The following CDYL2 variants were observed in gnomAD, a reference collection of about 807,000 sequenced individuals.
CDYL2 encodes the protein chromodomain Y like 2.
A neutral mutation model predicts 49.4 loss-of-function variants in CDYL2; 23 were observed. The ratio of observed to expected loss-of-function variants is 0.47; its 90% CI spans 0.34 to 0.66. The LOEUF (loss-of-function observed/expected upper bound fraction) is 0.66. Ranked by LOEUF, CDYL2 falls within the 30% of genes least tolerant of loss-of-function variation. CDYL2 has a pLI of 0.01. For synonymous variants in CDYL2, 360 were observed against 268.8 expected (o/e 1.34, Z -3.32); for missense variants, 678 against 656.4 (o/e 1.03, Z -0.36).
At chr16:80,792,895 G>A (rs933121752) in intron 1 of CDYL2, among the ~76,000 whole-genome samples, 11 of 152,124 alleles carry the variant, frequency 7.2e-5, no homozygotes, top group African/African-American at 2.2e-4. Context: ...ATGACTGGCC[G>A]ACGCTGGGAT....
At chr16:80,695,581 C>A (rs898150761) in intron 1 of CDYL2, among the ~76,000 whole-genome samples, 3 of 151,866 alleles carry the variant, frequency 2.0e-5, no homozygotes, top group Non-Finnish European at 4.4e-5. Flanking sequence ...AAACAGAAAC[C>A]AAAAATGAGC....
At chr16:80,667,412 CCCTG>C (rs1909311950) in intron 2 of CDYL2, among the ~76,000 whole-genome samples, 1 of 152,212 alleles carries the variant, frequency 6.6e-6, no homozygotes, top group South Asian at 2.1e-4. Context: ...CTCCTGACAT[CCCTG>C]CCTTTTTCCT....
intron 1 of CDYL2, among the ~76,000 whole-genome samples, chr16:80,730,013 C>T (rs1023330374): frequency 7.2e-4 from 109 of 152,044 alleles, no homozygotes; most frequent in African/African-American, 2.3e-3. Flanking sequence ...AGATCCAAAA[C>T]TGACACCCTA....
At position 80,600,366 on chromosome 16, in the gene CDYL2, A is replaced by T. The variant is rs969937785; in HGVS notation, c.*4022T>A. 5.9e-5 allele frequency: 9 copies of T among 152,190 alleles called. No homozygotes were observed. Among genetic ancestry groups the T allele is most frequent in the Non-Finnish European group, 8.8e-5 (6 of 68,036 alleles). The allele number at this position is 152,190 out of a possible 1,614,324, so 9.4% of individuals were successfully genotyped here. On this transcript the variant is annotated 3_prime_UTR_variant, in exon 7 of 7. Coordinates refer to ENST00000570137, the MANE Select transcript of CDYL2 (RefSeq NM_152342.4). ...GAAATATAAAAGTTTATATTTTGAA[A>T]ATATATACTGTATTAAAGTCTGTAA...
At chr16:80,679,042 C>G (rs1024173655) in intron 2 of CDYL2, among the ~76,000 whole-genome samples, 1 of 142,414 alleles carries the variant, frequency 7.0e-6, no homozygotes, top group African/African-American at 2.7e-5. Flanking sequence ...TATTCTCACT[C>G]ATAGGTGGGA....
At chr16:80,722,269 G>A (rs1905022837) in intron 1 of CDYL2, among the ~76,000 whole-genome samples, 1 of 152,158 alleles carries the variant, frequency 6.6e-6, no homozygotes, top group South Asian at 2.1e-4. Context: ...CCAGATTACT[G>A]ATGTTATTGA....
In CDYL2 at chr16:80,599,729, G is replaced by C. The variant is rs571099773; in HGVS notation, c.*4659C>G. 1 of 152,338 alleles carries C rather than the reference G, an allele frequency of 6.6e-6. No homozygotes were observed. The highest frequency in any genetic ancestry group is 6.5e-5 in the Admixed American group (1 of 15,300). 9.4% of individuals were successfully genotyped at this position (152,338 alleles called of 1,614,324 possible). A position where few individuals can be genotyped will look rare whatever the true frequency, so the allele number is the denominator to read the frequency against. On this transcript the variant is annotated 3_prime_UTR_variant, in exon 7 of 7. Coordinates refer to ENST00000570137, the MANE Select transcript of CDYL2 (RefSeq NM_152342.4). Reference sequence around the variant, plus strand: ...ATCGACAAGGAATCTGGGGCCAACTGCCAGGGTCAGGAGCAGGAAATGCCA... The same window carrying C: ...ATCGACAAGGAATCTGGGGCCAACTCCCAGGGTCAGGAGCAGGAAATGCCA...
chr16:80,695,178 A>G (rs1331242851), intron 1 of CDYL2, among the ~76,000 whole-genome samples: 2 of 152,274 alleles, frequency 1.3e-5, no homozygotes, highest in Non-Finnish European at 2.9e-5. Context: ...CCATGCATCT[A>G]TGTAATATCT....
intron 1 of CDYL2, among the ~76,000 whole-genome samples, chr16:80,742,629 G>A (rs898675261): frequency 6.6e-6 from 1 of 151,886 alleles, no homozygotes; most frequent in Non-Finnish European, 1.5e-5. Context: ...TGGATGAATG[G>A]ATGGATGGAT....
chr16:80,733,384 T>C (rs779041719), intron 1 of CDYL2, among the ~76,000 whole-genome samples: 2 of 152,212 alleles, frequency 1.3e-5, no homozygotes, highest in Non-Finnish European at 1.5e-5. Context: ...AGTTTCATCT[T>C]GCCATTTGGG....
intron 2 of CDYL2, among the ~76,000 whole-genome samples, chr16:80,683,204 T>C (rs1910039012): frequency 6.6e-6 from 1 of 152,230 alleles, no homozygotes; most frequent in Non-Finnish European, 1.5e-5. Flanking sequence ...TCAGGGAATC[T>C]GATGGCCCTG....
At chr16:80,733,212 T>A (rs953275862) in intron 1 of CDYL2, among the ~76,000 whole-genome samples, 1 of 152,078 alleles carries the variant, frequency 6.6e-6, no homozygotes. Flanking sequence ...ACAAAATCAG[T>A]GGTCAAAAAA....
At chr16:80,647,346 T>G (rs192004604) in intron 2 of CDYL2, among the ~76,000 whole-genome samples, 1 of 151,936 alleles carries the variant, frequency 6.6e-6, no homozygotes, top group Non-Finnish European at 1.5e-5. Context: ...TTCACAGAAA[T>G]AGAAAAAAAC....
At chr16:80,800,608 C>A (rs565247194) in intron 1 of CDYL2, among the ~76,000 whole-genome samples, 1 of 152,110 alleles carries the variant, frequency 6.6e-6, no homozygotes, top group East Asian at 1.9e-4. Context: ...CACTTCCCTA[C>A]AGAGAGAGAA....
chr16:80,643,535 T>G (rs532012736), intron 2 of CDYL2, among the ~76,000 whole-genome samples: 1 of 152,238 alleles, frequency 6.6e-6, no homozygotes, highest in Non-Finnish European at 1.5e-5. Context: ...GCAGAGGTTC[T>G]CCAAGAGAGC....
intron 1 of CDYL2, among the ~76,000 whole-genome samples, chr16:80,740,873 G>C (rs564803885): frequency 1.6e-4 from 24 of 149,466 alleles, no homozygotes; most frequent in African/African-American, 5.6e-4. Context: ...TTACCAAATA[G>C]AGACACTTCT....
At chr16:80,754,193 T>G (rs1906230809) in intron 1 of CDYL2, among the ~76,000 whole-genome samples, 1 of 152,192 alleles carries the variant, frequency 6.6e-6, no homozygotes, top group Admixed American at 6.5e-5. Flanking sequence ...GATGCTTGGT[T>G]AGAGAGACAA....
At chr16:80,712,128 TATGTGTGTACATATATGTGTATATAC>T (rs1904628363) in intron 1 of CDYL2, among the ~76,000 whole-genome samples, 1 of 148,502 alleles carries the variant, frequency 6.7e-6, no homozygotes, top group Non-Finnish European at 1.5e-5. Flanking sequence ...TGTGTATATA[TATGTGTGTACATATATGTGTATATAC>T]ATGTGTGTAT....
Position 80,789,849 on chromosome 16 carries a change from G to A in CDYL2, c.24+14301C>T, listed in dbSNP as rs572050170. 3.5e-4 allele frequency among the ~76,000 whole-genome samples: 53 copies of A among 152,176 alleles called. No homozygotes were observed. In the South Asian group the frequency reaches 8.1e-3, roughly 23 times the overall value. ...ACTGTATGTTCTCACTTGTAGATGA[G>A]ACATAAACAAAGGGTACACATGGAC... On this transcript the variant is annotated intron_variant, in intron 1 of 6. Coordinates refer to ENST00000570137, the MANE Select transcript of CDYL2 (RefSeq NM_152342.4).
Sources: gnomAD v4.1 joint callset for allele counts (sites outside exome capture counted in the v4.1 genomes callset) on GRCh38, gnomAD v4.1.1 for gene constraint, MANE v1.5 for transcripts, NCBI Gene and HGNC (gene_info 2026-07-23, HGNC 2026-07-21) for gene names.